Variants in STXBP6 observed in about 807,000 individuals in gnomAD.
The protein encoded by STXBP6 is syntaxin binding protein 6, also known as syntaxin-binding protein 6.
A neutral mutation model predicts 26.9 loss-of-function variants in STXBP6; 21 were observed. That is an observed-to-expected ratio of 0.78 (90% CI 0.55 to 1.12). The LOEUF (loss-of-function observed/expected upper bound fraction) is 1.12. Among genes scored for constraint, STXBP6 ranks in the 50% most tolerant of loss-of-function variants. The pLI is 0.00. For missense variants in STXBP6, 232 were observed against 257.9 expected, an observed-to-expected ratio of 0.90 and a Z score of 0.69; for synonymous variants, 97 against 92.6, an observed-to-expected ratio of 1.05 and a Z score of -0.27.
At chr14:24,954,312 A>G (rs2140079168) in intron 2 of STXBP6, among the ~76,000 whole-genome samples, 1 of 152,192 alleles carries the variant, frequency 6.6e-6, no homozygotes, top group East Asian at 1.9e-4. Context: ...CTAAGGTGGG[A>G]GGGGAGCAGA....
chr14:24,856,887 C>A (rs147096207), intron 3 of STXBP6, 140 bp downstream of exon 3: 6 of 1,056,588 alleles, frequency 5.7e-6, no homozygotes, highest in Non-Finnish European at 6.6e-6. Context: ...ACTCTGTATC[C>A]GAAAGTTTTA....
At chr14:24,995,324 G>A in intron 1 of STXBP6, among the ~76,000 whole-genome samples, 1 of 152,222 alleles carries the variant, frequency 6.6e-6, no homozygotes, top group Non-Finnish European at 1.5e-5. Context: ...TCATATTAGC[G>A]ATTAGATTCA....
At chr14:24,868,114 G>T (rs1244999776) in intron 2 of STXBP6, among the ~76,000 whole-genome samples, 1 of 152,148 alleles carries the variant, frequency 6.6e-6, no homozygotes, top group East Asian at 1.9e-4. Flanking sequence ...TGGGAGGATT[G>T]CCTGAGCCGG....
intron 4 of STXBP6, chr14:24,819,588 TCTTATGTTATTTC>T (rs1157851076): frequency 2.3e-6 from 1 of 425,834 alleles, no homozygotes; most frequent in African/African-American, 2.0e-5. Flanking sequence ...CATATCTGGA[TCTTATGTTATTTC>T]CTTTTGACCT....
chr14:24,976,336 C>CTTTTT (rs1356032311), intron 1 of STXBP6, among the ~76,000 whole-genome samples: 1 of 152,174 alleles, frequency 6.6e-6, no homozygotes, highest in African/African-American at 2.4e-5. Context: ...GAACACCTTT[C>CTTTTT]TAGTTAAAGA....
intron 1 of STXBP6, among the ~76,000 whole-genome samples, chr14:25,014,143 G>A (rs2075095200): frequency 6.6e-6 from 1 of 152,084 alleles, no homozygotes; most frequent in Non-Finnish European, 1.5e-5. Flanking sequence ...AGGCACATAG[G>A]GTCTGCTATT....
intron 2 of STXBP6, among the ~76,000 whole-genome samples, chr14:24,867,112 G>C (rs993273547): frequency 6.6e-6 from 1 of 152,116 alleles, no homozygotes; most frequent in African/African-American, 2.4e-5. Flanking sequence ...TTGAGAAAGA[G>C]ATCAGGCCAT....
At chr14:24,886,195 A>T (rs2070579468) in intron 2 of STXBP6, among the ~76,000 whole-genome samples, 1 of 152,136 alleles carries the variant, frequency 6.6e-6, no homozygotes. Flanking sequence ...AACATTAGCT[A>T]TTTCTGATAT....
At chr14:24,996,135 T>C (rs575642145) in intron 1 of STXBP6, among the ~76,000 whole-genome samples, 1 of 152,232 alleles carries the variant, frequency 6.6e-6, no homozygotes, top group Non-Finnish European at 1.5e-5. Flanking sequence ...TATAACTTCA[T>C]GGGTAAAAGT....
intron 1 of STXBP6, among the ~76,000 whole-genome samples, chr14:25,014,525 T>G (rs1417980502): frequency 1.3e-5 from 2 of 152,320 alleles, no homozygotes; most frequent in East Asian, 3.9e-4. Flanking sequence ...CTACTTGTCT[T>G]CTCTTGACTT....
At chr14:24,818,889 G>A in intron 5 of STXBP6, 148 bp downstream of exon 5, 3 of 1,082,190 alleles carry the variant, frequency 2.8e-6, no homozygotes, top group Non-Finnish European at 3.8e-6. Context: ...CGACTCAGGT[G>A]TTTAGTAAGT....
intron 5 of STXBP6, chr14:24,817,839 C>T (rs2068023631): frequency 3.0e-6 from 1 of 330,388 alleles, no homozygotes; most frequent in Admixed American, 4.2e-5. Context: ...GAAATGGGCC[C>T]CACGGGCAAC....
At chr14:25,016,911 AAAG>A (rs2075161220) in intron 1 of STXBP6, among the ~76,000 whole-genome samples, 2 of 152,218 alleles carry the variant, frequency 1.3e-5, no homozygotes, top group Admixed American at 6.5e-5. Context: ...GCATTGAAGA[AAAG>A]AAGTTGGCAG....
rs553578204 is a variant in STXBP6 at position 24,888,618 on chromosome 14, G to A, written c.155-31461C>T. On this transcript the variant is annotated intron_variant, in intron 2 of 5. Coordinates refer to ENST00000323944, the MANE Select transcript of STXBP6 (RefSeq NM_001394410.1). ...TGTGCGTGTAATCCCTGCTACTCAG[G>A]AGGCTGAGGCAAGAGAATTGCTTGA... Among the ~76,000 whole-genome samples, 3 of 152,088 alleles carry A rather than the reference G, an allele frequency of 2.0e-5. No homozygotes were observed. The South Asian group carries it at 6.3e-4, about 32-fold the overall frequency.
intron 2 of STXBP6, among the ~76,000 whole-genome samples, chr14:24,915,402 C>A (rs2071728968): frequency 6.6e-6 from 1 of 152,094 alleles, no homozygotes; most frequent in East Asian, 1.9e-4. Flanking sequence ...TGGACTATTA[C>A]TATTACCATT....
chr14:24,869,540 C>T (rs559473337), intron 2 of STXBP6, among the ~76,000 whole-genome samples: 1 of 152,294 alleles, frequency 6.6e-6, no homozygotes, highest in South Asian at 2.1e-4. Context: ...AAATACAACA[C>T]CCGACTCTCT....
At chr14:24,834,662 A>G (rs1269636072) in intron 4 of STXBP6, among the ~76,000 whole-genome samples, 1 of 152,206 alleles carries the variant, frequency 6.6e-6, no homozygotes, top group Non-Finnish European at 1.5e-5. Context: ...GAGAGGAATT[A>G]AGGTACTAGT....
chr14:24,931,843 C>A (rs1291812572), intron 2 of STXBP6, among the ~76,000 whole-genome samples: 1 of 152,084 alleles, frequency 6.6e-6, no homozygotes, highest in East Asian at 1.9e-4. Flanking sequence ...AGAGGCCTGC[C>A]AGTTAGTGGT....
intron 2 of STXBP6, among the ~76,000 whole-genome samples, chr14:24,913,457 T>C (rs1390903910): frequency 1.3e-5 from 2 of 152,164 alleles, no homozygotes; most frequent in Non-Finnish European, 2.9e-5. Flanking sequence ...CCCTTGAATA[T>C]GTACATTATT....
Sources: allele counts gnomAD v4.1 joint callset (sites outside exome capture counted in the v4.1 genomes callset), GRCh38; gene constraint gnomAD v4.1.1; transcripts MANE v1.5; gene names NCBI Gene and HGNC (gene_info 2026-07-23, HGNC 2026-07-21).